The following INPP5B variants were observed in gnomAD, a reference collection of about 807,000 sequenced individuals.
INPP5B encodes type II inositol 1,4,5-trisphosphate 5-phosphatase.
In INPP5B, 90 loss-of-function variants were observed where a neutral mutation model predicts 118.5. The observed-to-expected ratio is 0.76, with a 90% confidence interval of 0.64 to 0.90. The LOEUF (loss-of-function observed/expected upper bound fraction) is 0.90. Ranked by LOEUF, INPP5B falls within the 40% of genes least tolerant of loss-of-function variation. The pLI, the probability that INPP5B is intolerant of heterozygous loss-of-function variation, is 0.00. For synonymous variants in INPP5B, 385 were observed against 418.9 expected (o/e 0.92, Z 0.99); for missense variants, 984 against 1,125.6 (o/e 0.87, Z 1.80).
intron 17 of INPP5B, among the ~76,000 whole-genome samples, chr1:37,874,643 C>G (rs1292042541): frequency 6.6e-6 from 1 of 152,100 alleles, no homozygotes; most frequent in Non-Finnish European, 1.5e-5. Context: ...ACTAAAAATA[C>G]AAAAATTAGC....
chr1:37,896,240 C>G (rs1570158990), intron 7 of INPP5B, among the ~76,000 whole-genome samples: 1 of 149,202 alleles, frequency 6.7e-6, no homozygotes, highest in Non-Finnish European at 1.5e-5. Context: ...TGCCTGGCAA[C>G]CGCCCCGTCT....
intron 13 of INPP5B, among the ~76,000 whole-genome samples, chr1:37,884,632 C>A (rs1359427363): frequency 6.6e-6 from 1 of 152,104 alleles, no homozygotes; most frequent in East Asian, 1.9e-4. Flanking sequence ...CAGGGATTCT[C>A]ACACATGTTG....
rs1223405711 is a variant in INPP5B, at chr1:37,907,755, T to A, written c.533-16301A>T. Among the ~76,000 whole-genome samples, 1 of 152,166 alleles carries A rather than the reference T, an allele frequency of 6.6e-6. No individual in the cohort carries two copies. Among genetic ancestry groups the A allele is most frequent in the Non-Finnish European group, 1.5e-5 (1 of 68,024 alleles). ...CTCCAGTGCCTTGACAATTTACAAATGCCACGGTAATGTCAGGAAGTTACC... is the reference window on the plus strand; with the variant it reads ...CTCCAGTGCCTTGACAATTTACAAAAGCCACGGTAATGTCAGGAAGTTACC... On this transcript the variant is annotated intron_variant, in intron 7 of 23. Coordinates refer to ENST00000373024, the MANE Select transcript of INPP5B (RefSeq NM_005540.3). This position sits in a 1 kb window ranked among gnomAD's most constrained non-coding sequence, Gnocchi z 4.3.
chr1:37,878,284 G>C lies in INPP5B; in HGVS notation c.1581C>G (p.Leu527=). The C allele has an allele frequency of 6.2e-7, 1 of 1,614,112 alleles. No individual in the cohort carries two copies. The highest frequency in any genetic ancestry group is 8.5e-7 in the Non-Finnish European group (1 of 1,180,010). Residue 527 remains leucine (L), a synonymous_variant, in exon 16 of 24, where the codon CTC becomes CTG. Coordinates refer to ENST00000373024, the MANE Select transcript of INPP5B (RefSeq NM_005540.3). ...CRAPAWCDRI[L]WKGKNITQLS... ...GCTGAGTGATGTTCTTCCCTTTCCAGAGAATCCGATCACACCAGGCAGGAG... is the reference window on the plus strand; with the variant it reads ...GCTGAGTGATGTTCTTCCCTTTCCACAGAATCCGATCACACCAGGCAGGAG...
chr1:37,935,150 G>A, intron 6 of INPP5B, among the ~76,000 whole-genome samples: 1 of 139,206 alleles, frequency 7.2e-6, no homozygotes. Flanking sequence ...GCAGTGAGCC[G>A]AGATCGTGCC....
chr1:37,868,741 A>T (rs921764460), intron 19 of INPP5B, 127 bp from the exon 20 acceptor site: 11 of 679,260 alleles, frequency 1.6e-5, no homozygotes, highest in African/African-American at 8.9e-5. Flanking sequence ...CATTCCACAG[A>T]CAGAAATGAA....
intron 7 of INPP5B, among the ~76,000 whole-genome samples, chr1:37,896,170 G>A (rs1373378313): frequency 2.0e-5 from 3 of 149,688 alleles, no homozygotes; most frequent in South Asian, 2.1e-4. Context: ...CTGCCGCCCC[G>A]TCCGGGATGT....
At chr1:37,875,182 C>CCA (rs1173075553) in intron 17 of INPP5B, among the ~76,000 whole-genome samples, 1 of 152,190 alleles carries the variant, frequency 6.6e-6, no homozygotes, top group African/African-American at 2.4e-5. Flanking sequence ...TCAAGAAAGA[C>CCA]CACAGTCCAT....
In INPP5B at chr1:37,931,302, T is replaced by G. The variant is rs537695198; in HGVS notation, c.532+611A>C. 2.7e-5 allele frequency: 17 copies of G among 634,964 alleles called. No individual in the cohort carries two copies. The East Asian group carries it at 8.0e-4, about 30-fold the overall frequency. 39.3% of individuals were successfully genotyped at this position (634,964 alleles called of 1,614,324 possible). On this transcript the variant is annotated intron_variant, in intron 7 of 23. Transcript: ENST00000373024. The stretch of plus-strand genomic sequence containing the variant: ...GACTCTATCGTAGGCAGGGCACCAC[T>G]CCCCCACCCGCCCCACGCGACAAAC...
chr1:37,879,225 T>C (rs1309781567), intron 15 of INPP5B, among the ~76,000 whole-genome samples: 2 of 151,342 alleles, frequency 1.3e-5, no homozygotes, highest in Non-Finnish European at 1.5e-5. Flanking sequence ...TGAGCCGAGA[T>C]TGTGCCACTG....
At chr1:37,878,406 G>A in intron 15 of INPP5B, 83 bp from the exon 16 acceptor site, 1 of 1,565,950 alleles carries the variant, frequency 6.4e-7, no homozygotes, top group Non-Finnish European at 8.6e-7. Flanking sequence ...CAGGTGGGGA[G>A]TGATGAATCA....
At chr1:37,930,487 CG>C (rs1239043238) in intron 7 of INPP5B, 1 of 152,292 alleles carries the variant, frequency 6.6e-6, no homozygotes, top group Non-Finnish European at 1.5e-5. Context: ...CCTTGTCCTC[CG>C]CCAATTGTCT....
intron 14 of INPP5B, among the ~76,000 whole-genome samples, chr1:37,881,926 CG>C (rs1355734507): frequency 6.6e-6 from 1 of 151,904 alleles, no homozygotes; most frequent in East Asian, 1.9e-4. Context: ...GGTGAAACCC[CG>C]TCTTTACTAA....
chr1:37,901,163 CG>C (rs1373787882), intron 7 of INPP5B, among the ~76,000 whole-genome samples: 1 of 152,156 alleles, frequency 6.6e-6, no homozygotes, highest in Non-Finnish European at 1.5e-5. Context: ...TCCACTAAAT[CG>C]TGAGCTCTGC....
At chr1:37,940,825 C>A (rs1490927116) in intron 5 of INPP5B, 27 bp from the exon 6 acceptor site, 1 of 1,529,058 alleles carries the variant, frequency 6.5e-7, no homozygotes, top group East Asian at 2.3e-5. Flanking sequence ...GGAAATGAAC[C>A]CTTGGCTGCC....
In INPP5B at chr1:37,882,892, T is replaced by C. The variant is rs755177686; in HGVS notation, c.1346A>G (p.Asn449Ser). Residue 449 changes from asparagine (N) to serine (S), a missense_variant, in exon 14 of 24, where the codon AAC (asparagine) becomes AGC (serine). Physicochemically the swap from Asn to Ser is conservative, Grantham distance 46 (BLOSUM62 1). Around this residue, in one of 2 missense-constraint regions of INPP5B, gnomAD observed 634 missense variants for 791.0 expected, o/e 0.80. Coordinates refer to ENST00000373024, the MANE Select transcript of INPP5B (RefSeq NM_005540.3). ...CACATCCAGCTCTTCTATCCTGTAG[T>C]TGAGGTCCCCCAGCCACAAGATCAC... is the stretch of plus-strand genomic sequence containing the variant. ...HDVILWLGDLNYRIEELDVEK... is the reference protein window; with the variant it reads ...HDVILWLGDLSYRIEELDVEK... 2.0e-5 allele frequency: 32 copies of C among 1,613,980 alleles called. No homozygotes were observed. The highest frequency in any genetic ancestry group is 5.0e-5 in the Admixed American group (3 of 60,000).
intron 7 of INPP5B, among the ~76,000 whole-genome samples, chr1:37,900,818 G>GA (rs1644305493): frequency 7.1e-6 from 1 of 141,634 alleles, no homozygotes; most frequent in Admixed American, 7.0e-5. Context: ...GTTTTTGTTT[G>GA]TTTTTTTTTT....
rs192676618 is a variant in INPP5B, at chr1:37,870,373, A to G, written c.2188-1759T>C. On this transcript the variant is annotated intron_variant, in intron 19 of 23. Transcript: ENST00000373024. ...CATTTATCCTGCCTTGGCCTCCCAG[A>G]GTGCAAGGATTACAATTGTGAGTCA... Among the ~76,000 whole-genome samples the G allele has an allele frequency of 1.9e-4, 29 of 152,324 alleles. No homozygotes were observed. The East Asian group carries it at 2.7e-3, about 14-fold the overall frequency.
chr1:37,922,736 AC>A (rs1645101233), intron 7 of INPP5B, among the ~76,000 whole-genome samples: 1 of 152,200 alleles, frequency 6.6e-6, no homozygotes, highest in African/African-American at 2.4e-5. Flanking sequence ...ATGAACACAG[AC>A]ATCTCTAAAA....
Sources: gnomAD v4.1 joint callset for allele counts (sites outside exome capture counted in the v4.1 genomes callset) on GRCh38, gnomAD v4.1.1 for gene constraint, gnomAD v4.1.1 regional missense constraint, Gnocchi (gnomAD v3.1) non-coding constraint, MANE v1.5 for transcripts, NCBI Gene and HGNC (gene_info 2026-07-23, HGNC 2026-07-21) for gene names.